PLCXD3: variants seen among roughly 807,000 people sequenced by gnomAD.
PLCXD3 encodes PI-PLC X domain-containing protein 3.
A neutral mutation model predicts 25.5 loss-of-function variants in PLCXD3; 19 were observed. The observed-to-expected ratio is 0.75, with a 90% CI of 0.52 to 1.09. PLCXD3 has a LOEUF of 1.09. Ranked by LOEUF, PLCXD3 falls within the 50% of genes least tolerant of loss-of-function variation. The pLI is 0.00. For missense variants in PLCXD3, 411 were observed against 388.1 expected, an observed-to-expected ratio of 1.06 and a Z score of -0.50; for synonymous variants, 174 against 137.6, an observed-to-expected ratio of 1.26 and a Z score of -1.85.
intron 1 of PLCXD3, among the ~76,000 whole-genome samples, chr5:41,479,817 C>T (rs999092361): frequency 1.3e-5 from 2 of 151,162 alleles, no homozygotes; most frequent in South Asian, 2.1e-4. Context: ...CTCAAAGAGG[C>T]AAATTCTATA....
chr5:41,358,136 T>C (rs1459438255), intron 2 of PLCXD3, among the ~76,000 whole-genome samples: 1 of 152,204 alleles, frequency 6.6e-6, no homozygotes, highest in Non-Finnish European at 1.5e-5. Flanking sequence ...TGTTACTTTA[T>C]GCTTCACGGT....
At position 41,382,000 on chromosome 5, in the gene PLCXD3, G is replaced by T. The variant is rs771905469; in HGVS notation, c.638C>A (p.Pro213Gln). 6.2e-7 allele frequency: 1 copy of T among 1,613,442 alleles called. No individual in the cohort carries two copies. Reference protein sequence around the residue: ...VPFLWPGQMMPAPWANTTDPE... With the variant: ...VPFLWPGQMMQAPWANTTDPE... The stretch of plus-strand genomic sequence containing the variant: ...GTCTGTGGTGTTGGCCCAGGGTGCT[G>T]GCATCATCTGCCCAGGCCAGAGAAA... The change falls in exon 2 of 3, where the codon CCA becomes CAA. Residue 213 changes from proline to glutamine, a missense_variant. Pro to Gln is a moderately conservative substitution (Grantham distance 76). Coordinates refer to ENST00000377801, the MANE Select transcript of PLCXD3 (RefSeq NM_001005473.3).
intron 1 of PLCXD3, among the ~76,000 whole-genome samples, chr5:41,478,647 T>C (rs951517293): frequency 7.9e-5 from 12 of 152,338 alleles, no homozygotes; most frequent in Non-Finnish European, 1.3e-4. Flanking sequence ...TCAACTTAGC[T>C]AAATCACTCT....
intron 1 of PLCXD3, among the ~76,000 whole-genome samples, chr5:41,502,329 A>G (rs926446216): frequency 6.6e-6 from 1 of 152,078 alleles, no homozygotes; most frequent in South Asian, 2.1e-4. Flanking sequence ...TGAAGTAATC[A>G]GTTTAGGTGA....
intron 2 of PLCXD3, among the ~76,000 whole-genome samples, chr5:41,362,743 T>C (rs377263639): frequency 1.3e-5 from 2 of 152,194 alleles, no homozygotes; most frequent in South Asian, 2.1e-4. Context: ...TTTACTGGGA[T>C]ACAGCAACTC....
chr5:41,476,680 T>C (rs1413725380), intron 1 of PLCXD3, among the ~76,000 whole-genome samples: 5 of 152,238 alleles, frequency 3.3e-5, no homozygotes, highest in Admixed American at 2.0e-4. Context: ...TCTTTCACTG[T>C]AGTTAAATCT....
intron 1 of PLCXD3, among the ~76,000 whole-genome samples, chr5:41,505,442 G>A (rs1310756781): frequency 5.9e-5 from 9 of 152,064 alleles, no homozygotes; most frequent in African/African-American, 2.4e-5. Flanking sequence ...TGCTTTTGAT[G>A]GCTTTCTGAT....
chr5:41,308,997 C>G lies in PLCXD3; in HGVS notation c.*4620G>C, dbSNP rs1743062864. 6.6e-6 allele frequency: 1 copy of G among 152,536 alleles called. No individual in the cohort carries two copies. 9.4% of individuals were successfully genotyped at this position (152,536 alleles called of 1,614,324 possible). A position where few individuals can be genotyped will look rare whatever the true frequency, so the allele number is the denominator to read the frequency against. On this transcript the variant is annotated 3_prime_UTR_variant, in exon 3 of 3. Transcript: ENST00000377801. The stretch of plus-strand genomic sequence containing the variant: ...ACCATTTTTAACAAAAACTTAATTT[C>G]TGTTTCAATTTTAAATCCAAATTGC...
At chr5:41,370,133 A>T (rs974755896) in intron 2 of PLCXD3, among the ~76,000 whole-genome samples, 2 of 152,222 alleles carry the variant, frequency 1.3e-5, no homozygotes, top group African/African-American at 2.4e-5. Flanking sequence ...ATTTTAAAGG[A>T]AAAGTTCAAG....
intron 1 of PLCXD3, among the ~76,000 whole-genome samples, chr5:41,430,665 CTTATTATT>C (rs1420316988): frequency 6.6e-6 from 1 of 152,142 alleles, no homozygotes; most frequent in Non-Finnish European, 1.5e-5. Flanking sequence ...GCCCAGGGAA[CTTATTATT>C]TAGTGTCATT....
intron 2 of PLCXD3, among the ~76,000 whole-genome samples, chr5:41,341,243 AAT>A (rs1744138648): frequency 6.6e-6 from 1 of 152,148 alleles, no homozygotes; most frequent in Non-Finnish European, 1.5e-5. Context: ...GAGCACCATC[AAT>A]ATCGCATGTC....
rs56379830 is a variant in PLCXD3 at position 41,484,517 on chromosome 5, C to G, written c.103+25907G>C. ...CCAAATATTACTGTATGCCCTATTA[C>G]ATTGCTTAAATGGCCCTTAGATGAA... On this transcript the variant is annotated intron_variant, in intron 1 of 2. Transcript: ENST00000377801. Among the ~76,000 whole-genome samples, 1,295 of 152,202 alleles carry G rather than the reference C, an allele frequency of 8.5e-3. 7 individuals are homozygous for G. Among genetic ancestry groups the G allele is most frequent in the African/African-American group, 0.03 (1,233 of 41,528 alleles).
chr5:41,417,208 AG>A (rs1746714323), intron 1 of PLCXD3, among the ~76,000 whole-genome samples: 1 of 152,210 alleles, frequency 6.6e-6, no homozygotes, highest in Non-Finnish European at 1.5e-5. Context: ...GGGCTGCCTA[AG>A]GGTCCCAGGA....
At chr5:41,448,251 A>G (rs1408684229) in intron 1 of PLCXD3, among the ~76,000 whole-genome samples, 1 of 152,318 alleles carries the variant, frequency 6.6e-6, no homozygotes, top group Non-Finnish European at 1.5e-5. Context: ...TACAAACCAG[A>G]AACCCAGTTG....
chr5:41,399,230 T>A (rs974755880), intron 1 of PLCXD3, among the ~76,000 whole-genome samples: 2 of 152,114 alleles, frequency 1.3e-5, no homozygotes, highest in African/African-American at 4.8e-5. Flanking sequence ...CCATGCTCAT[T>A]GATTGGAAGA....
At chr5:41,337,479 T>C (rs761454447) in intron 2 of PLCXD3, among the ~76,000 whole-genome samples, 16 of 152,164 alleles carry the variant, frequency 1.1e-4, no homozygotes, top group Non-Finnish European at 1.8e-4. Context: ...AGTGCATCCT[T>C]TCCAAGATAA....
intron 2 of PLCXD3, among the ~76,000 whole-genome samples, chr5:41,314,144 G>A (rs185126658): frequency 1.3e-3 from 197 of 152,312 alleles, no homozygotes; most frequent in African/African-American, 4.1e-3. Context: ...CATGCACTTA[G>A]CAAACATTTA....
At chr5:41,356,546 T>TTAA (rs1488510404) in intron 2 of PLCXD3, among the ~76,000 whole-genome samples, 5 of 152,198 alleles carry the variant, frequency 3.3e-5, no homozygotes, top group Admixed American at 1.3e-4. Context: ...AATGCAAATG[T>TTAA]TAAGCCTCTT....
intron 1 of PLCXD3, 113 bp downstream of exon 1, chr5:41,510,311 C>G: frequency 2.1e-6 from 2 of 949,948 alleles, no homozygotes; most frequent in Non-Finnish European, 3.2e-6. Flanking sequence ...CCCTGGAAGA[C>G]GAGTTTCCCT....
Sources: gnomAD v4.1 joint callset for allele counts (sites outside exome capture counted in the v4.1 genomes callset) on GRCh38, gnomAD v4.1.1 for gene constraint, MANE v1.5 for transcripts, NCBI Gene and HGNC (gene_info 2026-07-23, HGNC 2026-07-21) for gene names.